TMEM30A: variants seen among roughly 807,000 people sequenced by gnomAD.
TMEM30A encodes cell cycle control protein 50A.
In TMEM30A, 24 loss-of-function variants were observed where a neutral mutation model predicts 38.2. That is an observed-to-expected ratio of 0.63 (90% CI 0.46 to 0.88). The LOEUF is 0.88. Ranked by LOEUF, TMEM30A falls within the 40% of genes least tolerant of loss-of-function variation. TMEM30A has a pLI of 0.00. For missense variants in TMEM30A, 370 were observed against 458.6 expected, an observed-to-expected ratio of 0.81 and a Z score of 1.77; for synonymous variants, 145 against 161.6, an observed-to-expected ratio of 0.90 and a Z score of 0.78.
intron 6 of TMEM30A, 96 bp downstream of exon 6, chr6:75,258,684 C>T: frequency 8.9e-7 from 1 of 1,120,946 alleles, no homozygotes; most frequent in South Asian, 1.5e-5. Flanking sequence ...GAGACCAAAA[C>T]TAAAGCACAA....
Position 75,284,582 on chromosome 6 carries a change from CG to C in TMEM30A, c.56del (p.Pro19ArgfsTer81), listed in dbSNP as rs747443904. ...DEVDGGPPCA[P>X]GGTAKTRRPD... ...GTCTCCGAGTCTTCGCGGTGCCCCCCGGAGCACACGGGGGCCCACCGTCCAC... is the reference window on the plus strand; with the variant it reads ...GTCTCCGAGTCTTCGCGGTGCCCCCCGAGCACACGGGGGCCCACCGTCCAC... On this transcript the variant is annotated frameshift_variant, in exon 1 of 7. Transcript: ENST00000230461. LOFTEE classifies it high-confidence loss of function. The C allele has an allele frequency of 1.2e-6, 2 of 1,613,620 alleles. No individual in the cohort carries two copies.
At chr6:75,260,653 G>A (rs978156005) in intron 4 of TMEM30A, among the ~76,000 whole-genome samples, 171 bp downstream of exon 4, 2 of 152,086 alleles carry the variant, frequency 1.3e-5, no homozygotes, top group African/African-American at 2.4e-5. Flanking sequence ...TAAAATGTAA[G>A]TATGCTCAAA....
intron 1 of TMEM30A, among the ~76,000 whole-genome samples, chr6:75,268,949 C>T (rs1025928546): frequency 3.3e-5 from 5 of 152,140 alleles, no homozygotes; most frequent in African/African-American, 1.2e-4. Context: ...GAAGATCTGG[C>T]CTGATCGCTA....
chr6:75,272,263 T>G (rs752108410), intron 1 of TMEM30A, among the ~76,000 whole-genome samples: 1 of 152,228 alleles, frequency 6.6e-6, no homozygotes, highest in Non-Finnish European at 1.5e-5. Flanking sequence ...AATAATAACT[T>G]CTTACTCTAA....
intron 1 of TMEM30A, among the ~76,000 whole-genome samples, chr6:75,281,367 C>T (rs1201688478): frequency 6.6e-6 from 1 of 152,044 alleles, no homozygotes; most frequent in African/African-American, 2.4e-5. Context: ...TCTTCATTCC[C>T]TGCTCCTGAT....
At chr6:75,283,072 T>C (rs1772386322) in intron 1 of TMEM30A, among the ~76,000 whole-genome samples, 1 of 152,218 alleles carries the variant, frequency 6.6e-6, no homozygotes, top group Non-Finnish European at 1.5e-5. Flanking sequence ...TGTAACTCTC[T>C]AGTTATTAAA....
At chr6:75,278,612 T>G (rs1348773326) in intron 1 of TMEM30A, among the ~76,000 whole-genome samples, 1 of 152,130 alleles carries the variant, frequency 6.6e-6, no homozygotes, top group Non-Finnish European at 1.5e-5. Context: ...AAGTGAAGAC[T>G]CAGTAAAACA....
At chr6:75,263,728 T>C (rs1772013076) in intron 3 of TMEM30A, among the ~76,000 whole-genome samples, 1 of 152,170 alleles carries the variant, frequency 6.6e-6, no homozygotes, top group Non-Finnish European at 1.5e-5. Context: ...GTATTAAAAA[T>C]AGTATATAAG....
intron 6 of TMEM30A, among the ~76,000 whole-genome samples, chr6:75,256,582 G>T (rs925847722): frequency 4.0e-5 from 6 of 151,752 alleles, no homozygotes; most frequent in Admixed American, 6.6e-5. Flanking sequence ...ACATGGAAGG[G>T]GCAAAAGGCC....
rs745907990 is a variant in TMEM30A, at chr6:75,284,627, G to A, written c.12C>T (p.Asn4=). 1 of 1,613,368 alleles carries A rather than the reference G, an allele frequency of 6.2e-7. No homozygotes were observed. The highest frequency in any genetic ancestry group is 1.1e-5 in the South Asian group (1 of 91,082). MAM[N]YNAKDEVDGG... is the part of the protein sequence containing the mutation. The stretch of plus-strand genomic sequence containing the variant: ...CGTCCACTTCATCCTTCGCGTTATA[G>A]TTCATCGCCATCGATCCCTGGGGCG... Residue 4 remains asparagine (N), a synonymous_variant, in exon 1 of 7, where the codon AAC becomes AAT. Coordinates refer to ENST00000230461, the MANE Select transcript of TMEM30A (RefSeq NM_018247.4).
intron 6 of TMEM30A, 58 bp from the exon 7 acceptor site, chr6:75,256,353 T>C (rs995978394): frequency 1.4e-6 from 2 of 1,473,516 alleles, no homozygotes; most frequent in Admixed American, 4.1e-5. Flanking sequence ...TAAAATACAA[T>C]TTTAAAAGTT....
chr6:75,281,898 G>C (rs1401834876), intron 1 of TMEM30A, among the ~76,000 whole-genome samples: 1 of 152,080 alleles, frequency 6.6e-6, no homozygotes, highest in Non-Finnish European at 1.5e-5. Flanking sequence ...TGTGTGTTTG[G>C]GGAATTTCCA....
intron 1 of TMEM30A, among the ~76,000 whole-genome samples, chr6:75,274,838 C>T (rs1772232635): frequency 6.6e-6 from 1 of 151,924 alleles, no homozygotes; most frequent in Non-Finnish European, 1.5e-5. Flanking sequence ...GGTGAAACCC[C>T]GTCTCTACTA....
At chr6:75,260,966 C>T in intron 3 of TMEM30A, 55 bp from the exon 4 acceptor site, 1 of 1,218,082 alleles carries the variant, frequency 8.2e-7, no homozygotes. Context: ...TTTGGGAGAA[C>T]TATGAGCTAT....
intron 6 of TMEM30A, among the ~76,000 whole-genome samples, chr6:75,257,646 G>A (rs1048130020): frequency 6.6e-6 from 1 of 152,144 alleles, no homozygotes; most frequent in African/African-American, 2.4e-5. Flanking sequence ...CTGCTCCAAT[G>A]TGGATTTAGT....
intron 1 of TMEM30A, among the ~76,000 whole-genome samples, chr6:75,269,641 C>T (rs187662759): frequency 1.6e-4 from 25 of 152,234 alleles, no homozygotes; most frequent in Non-Finnish European, 3.4e-4. Context: ...AGTTTTCAAC[C>T]CACTTGGCTA....
chr6:75,274,432 A>G (rs1582284108), intron 1 of TMEM30A, among the ~76,000 whole-genome samples: 1 of 152,244 alleles, frequency 6.6e-6, no homozygotes, highest in Non-Finnish European at 1.5e-5. Flanking sequence ...AGCCTCTCAA[A>G]AAGAATCACT....
Position 75,277,079 on chromosome 6 carries a change from TA to T in TMEM30A, c.237+7322del, listed in dbSNP as rs571590489. On this transcript the variant is annotated intron_variant, in intron 1 of 6. Transcript: ENST00000230461. ...TCAACCCTTCCTTCATTCTTCTTCA[TA>T]GGATTTTTTACCATTTAACATACTT... Among the ~76,000 whole-genome samples, 34 of 152,268 alleles carry T rather than the reference TA, an allele frequency of 2.2e-4. 1 individual carries two copies. In the South Asian group the frequency reaches 6.8e-3, roughly 31 times the overall value.
chr6:75,266,728 T>C (rs1582279258), intron 2 of TMEM30A, among the ~76,000 whole-genome samples: 1 of 152,216 alleles, frequency 6.6e-6, no homozygotes, highest in East Asian at 1.9e-4. Context: ...TTATTGTATC[T>C]TTATTGTCTG....
Sources: allele counts gnomAD v4.1 joint callset (sites outside exome capture counted in the v4.1 genomes callset), GRCh38; gene constraint gnomAD v4.1.1; transcripts MANE v1.5; gene names NCBI Gene and HGNC (gene_info 2026-07-23, HGNC 2026-07-21).